PHACTR4: variants seen among roughly 807,000 people sequenced by gnomAD.
PHACTR4 encodes protein phosphatase 1, regulatory subunit 124.
A neutral mutation model predicts 72.7 loss-of-function variants in PHACTR4; 51 were observed. The ratio of observed to expected loss-of-function variants is 0.70; its 90% CI spans 0.56 to 0.89. The LOEUF is 0.89. Ranked by LOEUF, PHACTR4 falls within the 40% of genes least tolerant of loss-of-function variation. The probability of loss-of-function intolerance (pLI) is 0.00; values close to 1 mark genes in which losing one functional copy is unlikely to be tolerated. For synonymous variants in PHACTR4, 255 were observed against 302.5 expected (o/e 0.84, Z 1.63); for missense variants, 731 against 861.8 (o/e 0.85, Z 1.90).
At chr1:28,483,583 T>C (rs972445043) in intron 9 of PHACTR4, among the ~76,000 whole-genome samples, 16 of 150,264 alleles carry the variant, frequency 1.1e-4, no homozygotes, top group African/African-American at 3.4e-4. Flanking sequence ...GGGTGGATCA[T>C]GAGGTCAGGA....
intron 7 of PHACTR4, among the ~76,000 whole-genome samples, chr1:28,474,982 ACT>A (rs1275177849): frequency 7.3e-5 from 11 of 150,358 alleles, no homozygotes; most frequent in Non-Finnish European, 1.6e-4. Context: ...ACAGGTTCTC[ACT>A]CTCTCACTCA....
At chr1:28,460,143 A>G in intron 3 of PHACTR4, 69 bp from the exon 4 acceptor site, 2 of 1,010,994 alleles carry the variant, frequency 2.0e-6, no homozygotes, top group Non-Finnish European at 1.5e-6. Context: ...CTGTAGAATT[A>G]GAATGCTAAG....
chr1:28,473,988 C>G lies in PHACTR4; in HGVS notation c.1258C>G (p.Arg420Gly), dbSNP rs771901291. Residue 420 changes from arginine (R) to glycine (G), a missense_variant, in exon 7 of 14, where the codon CGA (arginine) becomes GGA (glycine). Physicochemically the swap from Arg to Gly is moderately radical, Grantham distance 125. Coordinates refer to ENST00000373839, the MANE Select transcript of PHACTR4 (RefSeq NM_001048183.3). ...GCTGCCTCCACTCCCACTGCATATTCGAATCCAGCAGGCCCTCACCAGCCC... is the reference window on the plus strand; with the variant it reads ...GCTGCCTCCACTCCCACTGCATATTGGAATCCAGCAGGCCCTCACCAGCCC... The part of the protein sequence containing the change: ...SRLPPLPLHI[R>G]IQQALTSPLP... 5 of 1,614,028 alleles carry G rather than the reference C, an allele frequency of 3.1e-6. No homozygotes were observed. The South Asian group carries it at 3.3e-5, about 11-fold the overall frequency.
intron 2 of PHACTR4, among the ~76,000 whole-genome samples, chr1:28,442,807 A>AT (rs139785009): frequency 1.3e-5 from 2 of 150,782 alleles, no homozygotes; most frequent in African/African-American, 2.4e-5. Context: ...TGCCTGGCAA[A>AT]TTTTTTTTTT....
intron 1 of PHACTR4, among the ~76,000 whole-genome samples, chr1:28,405,445 G>C (rs1654250925): frequency 6.6e-6 from 1 of 151,822 alleles, no homozygotes; most frequent in Admixed American, 6.6e-5. Flanking sequence ...TCATGCCTCA[G>C]CCTCCTGAGT....
At chr1:28,444,936 T>C (rs1291830325) in intron 2 of PHACTR4, among the ~76,000 whole-genome samples, 1 of 150,120 alleles carries the variant, frequency 6.7e-6, no homozygotes, top group Non-Finnish European at 1.5e-5. Context: ...CTCCCATTTT[T>C]ATATTATTTA....
intron 1 of PHACTR4, among the ~76,000 whole-genome samples, chr1:28,377,486 C>T (rs112715992): frequency 2.7e-5 from 4 of 150,474 alleles, no homozygotes; most frequent in Admixed American, 1.3e-4. Context: ...GTGATCCGCC[C>T]GCCTCAGCCT....
intron 1 of PHACTR4, among the ~76,000 whole-genome samples, chr1:28,376,278 A>G (rs1038303666): frequency 1.6e-4 from 24 of 149,070 alleles, no homozygotes; most frequent in Non-Finnish European, 2.4e-4. Context: ...GTGCCACTGG[A>G]CTCCAGCCTG....
At chr1:28,433,062 C>T (rs985103437) in intron 2 of PHACTR4, 1 of 985,184 alleles carries the variant, frequency 1.0e-6, no homozygotes, top group Non-Finnish European at 1.2e-6. Context: ...TTGTTCTTTC[C>T]CTAAGTAAAA....
intron 2 of PHACTR4, among the ~76,000 whole-genome samples, chr1:28,449,301 C>CT (rs1175183387): frequency 7.9e-5 from 12 of 152,062 alleles, no homozygotes; most frequent in Non-Finnish European, 1.3e-4. Context: ...AGCCACTGTA[C>CT]TCTAGCCTGG....
intron 10 of PHACTR4, chr1:28,489,810 C>T (rs1407385172): frequency 3.9e-6 from 2 of 518,902 alleles, no homozygotes; most frequent in Non-Finnish European, 7.7e-6. Context: ...AGTCTCCTCA[C>T]TGAGAAGGTT....
chr1:28,483,856 A>T (rs1483466067), intron 9 of PHACTR4, among the ~76,000 whole-genome samples: 1 of 151,892 alleles, frequency 6.6e-6, no homozygotes. Context: ...ATACCCTATA[A>T]GCCAGGATTT....
chr1:28,406,288 C>T (rs1654320034), intron 1 of PHACTR4, among the ~76,000 whole-genome samples: 1 of 152,112 alleles, frequency 6.6e-6, no homozygotes, highest in South Asian at 2.1e-4. Flanking sequence ...TAATAAAACT[C>T]AATTTACCAA....
At chr1:28,407,845 G>A (rs938400182) in intron 2 of PHACTR4, among the ~76,000 whole-genome samples, 1 of 152,198 alleles carries the variant, frequency 6.6e-6, no homozygotes, top group African/African-American at 2.4e-5. Flanking sequence ...TTAGCCAGGA[G>A]TGGTGGCTCA....
chr1:28,496,456 A>G, intron 13 of PHACTR4, 78 bp from the exon 14 acceptor site: 1 of 1,514,854 alleles, frequency 6.6e-7, no homozygotes, highest in Non-Finnish European at 9.2e-7. Context: ...TAGGTATAAC[A>G]TTTCATTACT....
intron 1 of PHACTR4, among the ~76,000 whole-genome samples, chr1:28,371,057 G>A (rs930633024): frequency 6.6e-6 from 1 of 152,222 alleles, no homozygotes; most frequent in Non-Finnish European, 1.5e-5. Flanking sequence ...TGGTAACTGT[G>A]TATGTCCTCC....
chr1:28,396,486 G>T (rs932134859), intron 1 of PHACTR4, among the ~76,000 whole-genome samples: 1 of 151,082 alleles, frequency 6.6e-6, no homozygotes, highest in Non-Finnish European at 1.5e-5. Context: ...AGCTGAGATC[G>T]CACCATTGCA....
At chr1:28,487,337 G>T (rs1660718157) in intron 9 of PHACTR4, among the ~76,000 whole-genome samples, 1 of 151,828 alleles carries the variant, frequency 6.6e-6, no homozygotes, top group Non-Finnish European at 1.5e-5. Flanking sequence ...CTGTATTCCA[G>T]CCTGGGCGGC....
chr1:28,461,874 A>C (rs1658833472), intron 4 of PHACTR4, among the ~76,000 whole-genome samples: 1 of 144,912 alleles, frequency 6.9e-6, no homozygotes, highest in African/African-American at 2.7e-5. Context: ...TTTGTATGTG[A>C]CTAGTTATGA....
Sources: gnomAD v4.1 joint callset for allele counts (sites outside exome capture counted in the v4.1 genomes callset) on GRCh38, gnomAD v4.1.1 for gene constraint, MANE v1.5 for transcripts, NCBI Gene and HGNC (gene_info 2026-07-23, HGNC 2026-07-21) for gene names.